RBM39: variants seen among roughly 807,000 people sequenced by gnomAD.
The protein encoded by RBM39 is RNA-binding protein 39.
In RBM39, 12 loss-of-function variants were observed where a neutral mutation model predicts 79.6. The observed-to-expected ratio is 0.15, with a 90% CI of 0.10 to 0.24. The LOEUF (loss-of-function observed/expected upper bound fraction) is 0.24, where lower values mean the gene tolerates loss of function less well. RBM39 is among the 10% of genes least tolerant of loss of function. The pLI, the probability that RBM39 is intolerant of heterozygous loss-of-function variation, is 1.00. For missense variants in RBM39, 243 were observed against 653.4 expected (o/e 0.37, Z 6.85); for synonymous variants, 185 against 208.4 (o/e 0.89, Z 0.97).
At position 35,704,419 on chromosome 20, in the gene RBM39, T is replaced by C; in HGVS notation, c.*62A>G. ...TCTTTATTTTTATCTAAATAAAAGA[T>C]AACTCAAGATGAATTCTCAAGAAAG... is the stretch of plus-strand genomic sequence containing the variant. On this transcript the variant is annotated 3_prime_UTR_variant, in exon 17 of 17. Coordinates refer to ENST00000253363, the MANE Select transcript of RBM39 (RefSeq NM_184234.3). 1 of 1,167,392 alleles carries C rather than the reference T, an allele frequency of 8.6e-7. No homozygotes were observed. Among genetic ancestry groups the C allele is most frequent in the Non-Finnish European group, 1.2e-6 (1 of 809,736 alleles). 72.3% of individuals were successfully genotyped at this position (1,167,392 alleles called of 1,614,324 possible).
Position 35,721,891 on chromosome 20 carries a change from TACACGTCAC to T in RBM39, c.688-23_688-15del. Reference sequence around the variant, plus strand: ...GTTTTTTTCTGCCTAGAAGACAAAATACACGTCACACAGAGATAACACACAGCAGTTTAA... The same window carrying T: ...GTTTTTTTCTGCCTAGAAGACAAAATACAGAGATAACACACAGCAGTTTAA... On this transcript the variant is annotated splice_polypyrimidine_tract_variant and intron_variant, in intron 8 of 16. Transcript: ENST00000253363. 6.2e-7 allele frequency: 1 copy of T among 1,611,286 alleles called. No individual in the cohort carries two copies. Among genetic ancestry groups the T allele is most frequent in the Non-Finnish European group, 8.5e-7 (1 of 1,177,680 alleles).
intron 12 of RBM39, among the ~76,000 whole-genome samples, chr20:35,712,435 CAAAAAAAAA>C (rs765974114): frequency 1.8e-4 from 6 of 32,824 alleles, no homozygotes; most frequent in Admixed American, 3.7e-4. Context: ...TACTGTTATC[CAAAAAAAAA>C]AAAAAAAAAA....
chr20:35,737,359 C>T (rs1162874766), intron 3 of RBM39, among the ~76,000 whole-genome samples: 1 of 140,302 alleles, frequency 7.1e-6, no homozygotes, highest in Non-Finnish European at 1.5e-5. Flanking sequence ...CACTGCACTC[C>T]AGCCTGGGCA....
At chr20:35,722,458 C>CTTTTT (rs72430622) in intron 8 of RBM39, among the ~76,000 whole-genome samples, 1 of 116,446 alleles carries the variant, frequency 8.6e-6, no homozygotes, top group African/African-American at 3.3e-5. Context: ...TATTTAGAGG[C>CTTTTT]TTTTTTTTTT....
At chr20:35,714,705 C>A (rs1422118410) in intron 10 of RBM39, among the ~76,000 whole-genome samples, 1 of 152,140 alleles carries the variant, frequency 6.6e-6, no homozygotes, top group East Asian at 1.9e-4. Context: ...AATCTCAACA[C>A]TTGGAGAGGC....
At chr20:35,714,706 T>C (rs1178595588) in intron 10 of RBM39, among the ~76,000 whole-genome samples, 1 of 152,064 alleles carries the variant, frequency 6.6e-6, no homozygotes, top group Non-Finnish European at 1.5e-5. Context: ...ATCTCAACAC[T>C]TGGAGAGGCC....
At chr20:35,737,634 A>C (rs182434793) in intron 3 of RBM39, among the ~76,000 whole-genome samples, 1 of 151,736 alleles carries the variant, frequency 6.6e-6, no homozygotes, top group Non-Finnish European at 1.5e-5. Context: ...AGGCCAAGGC[A>C]GGCGGATCAC....
chr20:35,717,799 G>C lies in RBM39; in HGVS notation c.826-994C>G, dbSNP rs2146565811. 2.0e-5 allele frequency among the ~76,000 whole-genome samples: 3 copies of C among 152,274 alleles called. No homozygotes were observed. The South Asian group carries it at 6.2e-4, about 32-fold the overall frequency. ...GAGGTGGACGCTACACAGTGAGCTT[G>C]CATCATGCTGTTGCACTCCAGCCTC... On this transcript the variant is annotated intron_variant, in intron 9 of 16. Coordinates refer to ENST00000253363, the MANE Select transcript of RBM39 (RefSeq NM_184234.3).
chr20:35,705,337 G>C lies in RBM39; in HGVS notation c.1308-7C>G, dbSNP rs1305585331. Reference sequence around the variant, plus strand: ...CCATCCAACTTCTTCTTCTCTGTAAGAAAGTATTAAGGACTCTTAAATACT... The same window carrying C: ...CCATCCAACTTCTTCTTCTCTGTAACAAAGTATTAAGGACTCTTAAATACT... On this transcript the variant is annotated splice_polypyrimidine_tract_variant and splice_region_variant and intron_variant, in intron 14 of 16. Coordinates refer to ENST00000253363, the MANE Select transcript of RBM39 (RefSeq NM_184234.3). 46 of 1,516,738 alleles carry C rather than the reference G, an allele frequency of 3.0e-5. No individual in the cohort carries two copies. Among genetic ancestry groups the C allele is most frequent in the Admixed American group, 3.8e-5 (2 of 52,706 alleles). 94.0% of individuals were successfully genotyped at this position (1,516,738 alleles called of 1,614,324 possible). A position where few individuals can be genotyped will look rare whatever the true frequency, so the allele number is the denominator to read the frequency against.
At chr20:35,706,729 G>A (rs548855201) in intron 14 of RBM39, among the ~76,000 whole-genome samples, 194 of 152,142 alleles carry the variant, frequency 1.3e-3, no homozygotes, top group Admixed American at 2.1e-3. Context: ...AGTTTCAAAT[G>A]AAATACGGAA....
At chr20:35,707,244 G>C (rs1422970447) in intron 13 of RBM39, 43 bp from the exon 14 acceptor site, 1 of 1,413,610 alleles carries the variant, frequency 7.1e-7, no homozygotes, top group Admixed American at 1.8e-5. Flanking sequence ...GAAAATGCAT[G>C]AAAGTATCCC....
At chr20:35,724,476 G>T in intron 8 of RBM39, 94 bp downstream of exon 8, 4 of 1,131,142 alleles carry the variant, frequency 3.5e-6, no homozygotes, top group African/African-American at 1.6e-5. Flanking sequence ...TCAACGTAAT[G>T]AGCAGCAGTC....
intron 3 of RBM39, chr20:35,734,925 C>A: frequency 6.3e-7 from 1 of 1,581,490 alleles, no homozygotes; most frequent in South Asian, 1.2e-5. Context: ...TCTTTAATGG[C>A]AGTGAAATTT....
Position 35,717,738 on chromosome 20 carries a change from C to A in RBM39, c.826-933G>T, listed in dbSNP as rs539041764. On this transcript the variant is annotated intron_variant, in intron 9 of 16. Coordinates refer to ENST00000253363, the MANE Select transcript of RBM39 (RefSeq NM_184234.3). ...GGTGGGTTGGCTCAGGTCTGTAATC[C>A]GAGCACTTTGGGAGGCAGGAGGATC... Among the ~76,000 whole-genome samples the A allele has an allele frequency of 3.9e-5, 6 of 152,260 alleles. No homozygotes were observed. The South Asian group carries it at 1.2e-3, about 32-fold the overall frequency.
At chr20:35,730,643 C>T (rs2039264719) in intron 4 of RBM39, among the ~76,000 whole-genome samples, 1 of 151,954 alleles carries the variant, frequency 6.6e-6, no homozygotes, top group Non-Finnish European at 1.5e-5. Flanking sequence ...TAAAGTTAAG[C>T]CATGATCCCA....
At chr20:35,730,696 T>C (rs574630108) in intron 4 of RBM39, among the ~76,000 whole-genome samples, 1 of 152,136 alleles carries the variant, frequency 6.6e-6, no homozygotes, top group East Asian at 1.9e-4. Flanking sequence ...AGCTAATTCC[T>C]TTCCCCTTAT....
At chr20:35,709,170 A>T in intron 13 of RBM39, 54 bp downstream of exon 13, 1 of 1,465,256 alleles carries the variant, frequency 6.8e-7, no homozygotes, top group Non-Finnish European at 9.3e-7. Flanking sequence ...CTGTCTTACT[A>T]CATTTAATTC....
At chr20:35,718,398 A>T (rs182424423) in intron 9 of RBM39, among the ~76,000 whole-genome samples, 13 of 152,110 alleles carry the variant, frequency 8.5e-5, no homozygotes, top group African/African-American at 3.1e-4. Context: ...AACAATATAA[A>T]CATTTAGGCT....
chr20:35,725,946 G>A (rs887194570), intron 6 of RBM39, among the ~76,000 whole-genome samples: 1 of 151,026 alleles, frequency 6.6e-6, no homozygotes, highest in African/African-American at 2.4e-5. Flanking sequence ...TTACAGGCAT[G>A]AGGCACCGCA....
Sources: allele counts gnomAD v4.1 joint callset (sites outside exome capture counted in the v4.1 genomes callset), GRCh38; gene constraint gnomAD v4.1.1; transcripts MANE v1.5; gene names NCBI Gene and HGNC (gene_info 2026-07-23, HGNC 2026-07-21).